The following FYN variants were observed in gnomAD, a reference collection of about 807,000 sequenced individuals.
FYN encodes the protein FYN proto-oncogene, Src family tyrosine kinase.
A neutral mutation model predicts 70.2 loss-of-function variants in FYN; 10 were observed. The observed-to-expected ratio is 0.14, with a 90% CI of 0.09 to 0.24. The LOEUF (loss-of-function observed/expected upper bound fraction) is 0.24, where lower values mean the gene tolerates loss of function less well. Ranked by LOEUF, FYN falls within the 10% of genes least tolerant of loss-of-function variation. The pLI is 1.00. For synonymous variants in FYN, 236 were observed against 248.6 expected, an observed-to-expected ratio of 0.95 and a Z score of 0.48; for missense variants, 319 against 673.1, an observed-to-expected ratio of 0.47 and a Z score of 5.82.
chr6:111,823,529 T>C (rs1160338536), intron 2 of FYN, among the ~76,000 whole-genome samples: 1 of 152,168 alleles, frequency 6.6e-6, no homozygotes, highest in African/African-American at 2.4e-5. Flanking sequence ...CCCCCTTTTA[T>C]AAAGAATGGA....
chr6:111,731,603 C>T (rs1801456756), intron 3 of FYN, among the ~76,000 whole-genome samples: 1 of 152,220 alleles, frequency 6.6e-6, no homozygotes, highest in African/African-American at 2.4e-5. Flanking sequence ...ATAACTTTTG[C>T]ATCCCCTGCC....
intron 2 of FYN, among the ~76,000 whole-genome samples, chr6:111,799,046 T>C: frequency 6.6e-6 from 1 of 152,188 alleles, no homozygotes; most frequent in African/African-American, 2.4e-5. Context: ...TCAGGAACCA[T>C]TCCAAGGACA....
intron 2 of FYN, among the ~76,000 whole-genome samples, chr6:111,833,620 C>T (rs1773089757): frequency 6.6e-6 from 1 of 152,112 alleles, no homozygotes; most frequent in East Asian, 1.9e-4. Flanking sequence ...TTCATGCTTT[C>T]CATAATGGCT....
At chr6:111,744,934 A>G (rs927257912) in intron 3 of FYN, among the ~76,000 whole-genome samples, 5 of 152,212 alleles carry the variant, frequency 3.3e-5, no homozygotes, top group African/African-American at 9.6e-5. Context: ...ACCCCGGCAA[A>G]GAATATTGTC....
At chr6:111,739,522 C>T (rs1030190276) in intron 3 of FYN, among the ~76,000 whole-genome samples, 3 of 152,176 alleles carry the variant, frequency 2.0e-5, no homozygotes, top group Admixed American at 6.5e-5. Context: ...ATGAGAGGCC[C>T]CGCCGCTGGG....
At chr6:111,801,322 T>A (rs1308418562) in intron 2 of FYN, among the ~76,000 whole-genome samples, 1 of 152,188 alleles carries the variant, frequency 6.6e-6, no homozygotes, top group Admixed American at 6.5e-5. Flanking sequence ...AGGTAAACCA[T>A]GGCCATCATC....
intron 3 of FYN, among the ~76,000 whole-genome samples, chr6:111,747,661 T>C (rs2128484240): frequency 6.6e-6 from 1 of 152,326 alleles, no homozygotes; most frequent in East Asian, 1.9e-4. Flanking sequence ...TGCATGGCTA[T>C]GCTAAAGACA....
At chr6:111,833,896 C>G (rs1202107594) in intron 2 of FYN, among the ~76,000 whole-genome samples, 1 of 152,094 alleles carries the variant, frequency 6.6e-6, no homozygotes, top group Non-Finnish European at 1.5e-5. Flanking sequence ...ATTTAAATAG[C>G]AAAACTGGAA....
intron 2 of FYN, among the ~76,000 whole-genome samples, chr6:111,837,724 C>T (rs746506460): frequency 9.9e-5 from 15 of 152,204 alleles, no homozygotes; most frequent in Non-Finnish European, 1.9e-4. Flanking sequence ...CTCTTGATGA[C>T]TGTCAGCTTC....
chr6:111,809,011 T>C (rs546235152), intron 2 of FYN, among the ~76,000 whole-genome samples: 2 of 152,158 alleles, frequency 1.3e-5, no homozygotes, highest in Non-Finnish European at 2.9e-5. Flanking sequence ...GAAGCCCCCA[T>C]TGCTTTTTTC....
chr6:111,717,373 T>C (rs1193008940), intron 4 of FYN, among the ~76,000 whole-genome samples: 1 of 152,248 alleles, frequency 6.6e-6, no homozygotes, highest in African/African-American at 2.4e-5. Context: ...TGATAACTAA[T>C]AGTAGTTCCC....
chr6:111,700,380 C>T, intron 8 of FYN, 112 bp from the exon 9 acceptor site: 1 of 1,053,488 alleles, frequency 9.5e-7, no homozygotes, highest in Non-Finnish European at 1.4e-6. Context: ...TCAAACAGTG[C>T]TACTACACCA....
chr6:111,745,580 T>C (rs1802172183), intron 3 of FYN, among the ~76,000 whole-genome samples: 1 of 152,096 alleles, frequency 6.6e-6, no homozygotes, highest in South Asian at 2.1e-4. Context: ...TGCAGGTAAC[T>C]AGAGAGTTAA....
chr6:111,853,925 G>A (rs768144057), intron 1 of FYN, among the ~76,000 whole-genome samples: 5 of 152,210 alleles, frequency 3.3e-5, no homozygotes, highest in African/African-American at 4.8e-5. Context: ...GGGTTGGAAA[G>A]ATCAAGACTA....
intron 3 of FYN, among the ~76,000 whole-genome samples, chr6:111,744,759 A>T (rs1458558157): frequency 6.6e-6 from 1 of 152,222 alleles, no homozygotes; most frequent in Non-Finnish European, 1.5e-5. Context: ...ACAAAGTGGT[A>T]TATGCAAAGG....
At chr6:111,714,504 A>T in intron 4 of FYN, 61 bp from the exon 5 acceptor site, 1 of 1,168,868 alleles carries the variant, frequency 8.6e-7, no homozygotes, top group Non-Finnish European at 1.3e-6. Context: ...AATTCCAAGA[A>T]ATTAAATCTT....
At chr6:111,678,522 C>T (rs1163136108) in intron 12 of FYN, among the ~76,000 whole-genome samples, 1 of 152,162 alleles carries the variant, frequency 6.6e-6, no homozygotes, top group East Asian at 1.9e-4. Flanking sequence ...CTTATTCAAT[C>T]CCATGGCTCC....
At chr6:111,838,506 A>T (rs1465256667) in intron 2 of FYN, among the ~76,000 whole-genome samples, 1 of 152,242 alleles carries the variant, frequency 6.6e-6, no homozygotes, top group East Asian at 1.9e-4. Context: ...ACCCAAAGAC[A>T]CTAACATCAC....
chr6:111,805,467 T>C (rs958003272), intron 2 of FYN, among the ~76,000 whole-genome samples: 1 of 152,230 alleles, frequency 6.6e-6, no homozygotes, highest in Non-Finnish European at 1.5e-5. Context: ...ACTCTACACA[T>C]GTGAGACGCT....
Sources: allele counts gnomAD v4.1 joint callset (sites outside exome capture counted in the v4.1 genomes callset), GRCh38; gene constraint gnomAD v4.1.1; transcripts MANE v1.5; gene names NCBI Gene and HGNC (gene_info 2026-07-23, HGNC 2026-07-21).